The following CAST variants were observed in gnomAD, a reference collection of about 807,000 sequenced individuals.
CAST encodes the protein calpastatin.
In CAST, 76 loss-of-function variants were observed where a neutral mutation model predicts 119.6. The ratio of observed to expected loss-of-function variants is 0.64; its 90% CI spans 0.53 to 0.77. The LOEUF is 0.77. Among genes scored for constraint, CAST ranks in the 30% least tolerant of loss-of-function variants. The pLI, the probability that CAST is intolerant of heterozygous loss-of-function variation, is 0.00. For missense variants in CAST, 953 were observed against 946.5 expected, an observed-to-expected ratio of 1.01 and a Z score of -0.09; for synonymous variants, 319 against 331.6, an observed-to-expected ratio of 0.96 and a Z score of 0.41.
the CAST span, among the ~76,000 whole-genome samples, chr5:96,171,266 C>T: frequency 6.6e-6 from 1 of 152,034 alleles, no homozygotes; most frequent in East Asian, 1.9e-4. Flanking sequence ...TGGGGCCAAG[C>T]GGTGTTGCAG....
intron 3 of CAST, among the ~76,000 whole-genome samples, chr5:96,713,161 C>T (rs1756528203): frequency 7.5e-6 from 1 of 133,912 alleles, no homozygotes; most frequent in Non-Finnish European, 1.6e-5. Flanking sequence ...GAGATGGAGG[C>T]TTGCTCTGTC....
chr5:96,591,318 G>A (rs1746958150), intron 1 of CAST, among the ~76,000 whole-genome samples: 1 of 152,228 alleles, frequency 6.6e-6, no homozygotes, highest in African/African-American at 2.4e-5. Flanking sequence ...GCTCTGAAGT[G>A]TAGAAGTTTG....
the CAST span, among the ~76,000 whole-genome samples, chr5:96,442,905 C>T: frequency 6.6e-6 from 1 of 152,062 alleles, no homozygotes; most frequent in East Asian, 1.9e-4. Context: ...TTGTCATCAC[C>T]GTCATTCTCT....
intron 1 of CAST, among the ~76,000 whole-genome samples, chr5:96,649,322 C>T (rs541642794): frequency 6.6e-6 from 1 of 152,156 alleles, no homozygotes. Flanking sequence ...AACATGTGTT[C>T]CTGGCATCTG....
intron 1 of CAST, among the ~76,000 whole-genome samples, chr5:96,544,583 A>G (rs1188810284): frequency 6.8e-6 from 1 of 146,328 alleles, no homozygotes; most frequent in Non-Finnish European, 1.5e-5. Context: ...GTAAATTTAT[A>G]TTATAATTTT....
chr5:96,646,139 A>T (rs1748012626), intron 1 of CAST, among the ~76,000 whole-genome samples: 1 of 152,216 alleles, frequency 6.6e-6, no homozygotes, highest in Non-Finnish European at 1.5e-5. Flanking sequence ...ACCACCGTCA[A>T]TATTGCAGAG....
At chr5:96,699,153 C>T (rs990206629) in intron 3 of CAST, among the ~76,000 whole-genome samples, 13 of 152,128 alleles carry the variant, frequency 8.5e-5, no homozygotes, top group South Asian at 6.2e-4. Context: ...GGAAATTATA[C>T]GGACTCTTAC....
chr5:96,688,780 A>G (rs1047012669), intron 2 of CAST, among the ~76,000 whole-genome samples: 3 of 152,220 alleles, frequency 2.0e-5, no homozygotes, highest in Admixed American at 6.5e-5. Context: ...TGTATTTATT[A>G]AACCAGAAGA....
intron 3 of CAST, among the ~76,000 whole-genome samples, chr5:96,712,953 A>G (rs1756466914): frequency 6.6e-6 from 1 of 152,088 alleles, no homozygotes; most frequent in Admixed American, 6.5e-5. Context: ...TTTGTGTTAG[A>G]GACATTTTGA....
chr5:96,556,948 G>C (rs1746253694), intron 1 of CAST, among the ~76,000 whole-genome samples: 1 of 152,060 alleles, frequency 6.6e-6, no homozygotes, highest in South Asian at 2.1e-4. Context: ...AATGTTAAGG[G>C]CAGCCAGAGA....
At chr5:96,359,249 C>G in the CAST span, among the ~76,000 whole-genome samples, 1 of 152,166 alleles carries the variant, frequency 6.6e-6, no homozygotes, top group Admixed American at 6.5e-5. Flanking sequence ...AGATAGGTCT[C>G]CTGAATACAG....
At chr5:96,402,789 C>T in the CAST span, among the ~76,000 whole-genome samples, 21 of 152,198 alleles carry the variant, frequency 1.4e-4, no homozygotes, top group South Asian at 1.5e-3. Context: ...GCTGAGCTCC[C>T]GACAAACATA....
the CAST span, among the ~76,000 whole-genome samples, chr5:96,016,837 T>TG: frequency 2.8e-5 from 4 of 142,436 alleles, no homozygotes; most frequent in African/African-American, 1.1e-4. Context: ...GGGTTTTTTT[T>TG]TTTTTTTTTT....
At chr5:96,699,764 A>G (rs1753674652) in intron 3 of CAST, among the ~76,000 whole-genome samples, 1 of 152,184 alleles carries the variant, frequency 6.6e-6, no homozygotes. Flanking sequence ...ATAAGGCAGG[A>G]AATTATCAAT....
intron 1 of CAST, among the ~76,000 whole-genome samples, chr5:96,620,636 TATG>T (rs1747585371): frequency 6.6e-6 from 1 of 152,178 alleles, no homozygotes; most frequent in South Asian, 2.1e-4. Context: ...GTTTTTGACT[TATG>T]ATATTTATCA....
chr5:96,507,579 G>A, the CAST span, among the ~76,000 whole-genome samples: 1 of 152,124 alleles, frequency 6.6e-6, no homozygotes, highest in Non-Finnish European at 1.5e-5. Context: ...TATTAGAGCT[G>A]GGAGATGCTG....
the CAST span, among the ~76,000 whole-genome samples, chr5:96,069,442 C>T: frequency 1.3e-5 from 2 of 150,392 alleles, no homozygotes; most frequent in Admixed American, 6.6e-5. Flanking sequence ...CATGCACATG[C>T]CCCAATAGTG....
At chr5:95,997,280 T>A in the CAST span, among the ~76,000 whole-genome samples, 140 of 152,296 alleles carry the variant, frequency 9.2e-4, no homozygotes, top group Middle Eastern at 3.4e-3. Flanking sequence ...TCTAGAACTT[T>A]AATGCTTGGG....
At chr5:96,347,044 G>A in the CAST span, among the ~76,000 whole-genome samples, 1 of 152,246 alleles carries the variant, frequency 6.6e-6, no homozygotes, top group East Asian at 1.9e-4. Flanking sequence ...GGTTTCAGCA[G>A]TGGCAGTAAC....
Sources: gnomAD v4.1 joint callset for allele counts (sites outside exome capture counted in the v4.1 genomes callset) on GRCh38, gnomAD v4.1.1 for gene constraint, MANE v1.5 for transcripts, NCBI Gene and HGNC (gene_info 2026-07-23, HGNC 2026-07-21) for gene names.